The following OTUD7A variants were observed in gnomAD, a reference collection of about 807,000 sequenced individuals.
OTUD7A encodes the protein OTU deubiquitinase 7A.
In OTUD7A, 12 loss-of-function variants were observed where a neutral mutation model predicts 65.7. That is an observed-to-expected ratio of 0.18 (90% CI 0.12 to 0.30). The LOEUF (loss-of-function observed/expected upper bound fraction) is 0.30, where lower values mean the gene tolerates loss of function less well. OTUD7A is among the 10% of genes least tolerant of loss of function. The probability of loss-of-function intolerance (pLI) is 1.00; values close to 1 mark genes in which losing one functional copy is unlikely to be tolerated. For synonymous variants in OTUD7A, 641 were observed against 586.3 expected, an observed-to-expected ratio of 1.09 and a Z score of -1.35; for missense variants, 1,148 against 1,304.8, an observed-to-expected ratio of 0.88 and a Z score of 1.85.
intron 1 of OTUD7A, among the ~76,000 whole-genome samples, chr15:31,866,091 A>C (rs568918523): frequency 6.6e-6 from 1 of 152,390 alleles, no homozygotes; most frequent in South Asian, 2.1e-4. Flanking sequence ...GATGTATTTA[A>C]AACTTGTATT....
At chr15:31,585,585 T>C (rs560496137) in intron 3 of OTUD7A, among the ~76,000 whole-genome samples, 6 of 152,310 alleles carry the variant, frequency 3.9e-5, no homozygotes, top group Admixed American at 3.9e-4. Context: ...CTTTGAGTTA[T>C]GTGTTTCTAT....
rs184554527 is a variant in OTUD7A at position 31,769,685 on chromosome 15, T to C, written c.-100+100822A>G. On this transcript the variant is annotated intron_variant, in intron 1 of 12. Coordinates refer to ENST00000307050, the MANE Select transcript of OTUD7A (RefSeq NM_001382637.1). Reference sequence around the variant, plus strand: ...ACAAGGATAAATCTCAAATCTGCTATGCTGAGTGAAGGAAGCCAGTCCAAA... The same window carrying C: ...ACAAGGATAAATCTCAAATCTGCTACGCTGAGTGAAGGAAGCCAGTCCAAA... Among the ~76,000 whole-genome samples the C allele has an allele frequency of 3.6e-3, 552 of 152,354 alleles. 16 individuals are homozygous for C. The highest frequency in any genetic ancestry group is 0.03 in the Admixed American group (455 of 15,300).
At chr15:31,818,619 C>T (rs1275588513) in intron 1 of OTUD7A, among the ~76,000 whole-genome samples, 1 of 152,198 alleles carries the variant, frequency 6.6e-6, no homozygotes, top group Non-Finnish European at 1.5e-5. Context: ...ACCTCCCACA[C>T]TCCTATCTCC....
At chr15:31,686,946 T>C (rs1206352615) in intron 1 of OTUD7A, among the ~76,000 whole-genome samples, 1 of 152,230 alleles carries the variant, frequency 6.6e-6, no homozygotes, top group East Asian at 1.9e-4. Context: ...CCAACAGCAA[T>C]GTTTTTGAAG....
chr15:31,732,261 T>G (rs539373663), intron 1 of OTUD7A, among the ~76,000 whole-genome samples: 106 of 152,288 alleles, frequency 7.0e-4, no homozygotes, highest in Admixed American at 3.6e-3. Flanking sequence ...ATAAGAGAAG[T>G]TATTCCTGAC....
intron 1 of OTUD7A, among the ~76,000 whole-genome samples, chr15:31,729,882 AC>A (rs560875808): frequency 6.7e-4 from 101 of 151,210 alleles, no homozygotes; most frequent in Middle Eastern, 3.4e-3. Flanking sequence ...TTTGTCCTCC[AC>A]TCTTATTCCT....
At chr15:31,517,218 C>T (rs1432059894) in intron 8 of OTUD7A, among the ~76,000 whole-genome samples, 1 of 152,204 alleles carries the variant, frequency 6.6e-6, no homozygotes, top group Non-Finnish European at 1.5e-5. Flanking sequence ...TTCATTTCTC[C>T]TTATTGCAGG....
intron 3 of OTUD7A, among the ~76,000 whole-genome samples, chr15:31,574,716 T>G (rs746226981): frequency 9.9e-5 from 15 of 152,242 alleles, no homozygotes; most frequent in Non-Finnish European, 1.8e-4. Context: ...CTTTGTGACC[T>G]GGGAGAAGCT....
rs546923417 is a variant in OTUD7A, at chr15:31,867,904, G to A, written c.-100+2603C>T. ...CTTGGAAGACAGGCATGCGGGAGCG[G>A]AGGGGGAGGGGCGGGGGGCGGGGGC... On this transcript the variant is annotated intron_variant, in intron 1 of 12. Transcript: ENST00000307050. Among the ~76,000 whole-genome samples the A allele has an allele frequency of 6.6e-5, 10 of 151,354 alleles. No individual in the cohort carries two copies. The East Asian group carries it at 1.9e-3, about 29-fold the overall frequency.
intron 1 of OTUD7A, among the ~76,000 whole-genome samples, chr15:31,869,170 T>C (rs140431237): frequency 1.8e-4 from 27 of 152,310 alleles, no homozygotes; most frequent in African/African-American, 6.3e-4. Flanking sequence ...GGAGTGTTGA[T>C]CCCATTTAGT....
At chr15:31,808,318 G>A (rs1330348828) in intron 1 of OTUD7A, among the ~76,000 whole-genome samples, 1 of 152,214 alleles carries the variant, frequency 6.6e-6, no homozygotes, top group Non-Finnish European at 1.5e-5. Flanking sequence ...GGAGCGCTGG[G>A]CTTCTTGAAA....
intron 1 of OTUD7A, among the ~76,000 whole-genome samples, chr15:31,720,143 G>C (rs1008893279): frequency 2.0e-5 from 3 of 151,156 alleles, no homozygotes; most frequent in Admixed American, 2.0e-4. Flanking sequence ...CCAAAGCAGA[G>C]AAAGAATCGT....
chr15:31,523,295 G>C (rs1470103419), intron 8 of OTUD7A, among the ~76,000 whole-genome samples: 1 of 152,228 alleles, frequency 6.6e-6, no homozygotes, highest in Admixed American at 6.5e-5. Context: ...AGGGAGGAGG[G>C]GCAGGAGGGT....
At chr15:31,532,600 C>A (rs1447476042) in intron 5 of OTUD7A, among the ~76,000 whole-genome samples, 1 of 151,666 alleles carries the variant, frequency 6.6e-6, no homozygotes, top group African/African-American at 2.4e-5. Context: ...AGTCTGGAGT[C>A]CGTAGAAGAG....
At chr15:31,611,423 C>T (rs993904473) in intron 3 of OTUD7A, among the ~76,000 whole-genome samples, 6 of 151,932 alleles carry the variant, frequency 3.9e-5, no homozygotes, top group African/African-American at 1.5e-4. Flanking sequence ...TAAGATTAAC[C>T]AAGAAAAGAA....
chr15:31,781,846 T>C (rs1895548257), intron 1 of OTUD7A, among the ~76,000 whole-genome samples: 1 of 152,236 alleles, frequency 6.6e-6, no homozygotes, highest in Admixed American at 6.5e-5. Flanking sequence ...TATACATCTG[T>C]ATCCTATCTT....
chr15:31,598,705 C>T (rs1889982719), intron 3 of OTUD7A, among the ~76,000 whole-genome samples: 1 of 152,204 alleles, frequency 6.6e-6, no homozygotes, highest in Non-Finnish European at 1.5e-5. Flanking sequence ...GCCAAGTGGT[C>T]TGGCTCAGTG....
intron 1 of OTUD7A, among the ~76,000 whole-genome samples, chr15:31,738,754 A>G (rs1894260313): frequency 6.6e-6 from 1 of 152,256 alleles, no homozygotes. Context: ...TTCTTGGGAT[A>G]GTACGCAAAG....
At chr15:31,606,263 C>A (rs1890236975) in intron 3 of OTUD7A, among the ~76,000 whole-genome samples, 1 of 152,200 alleles carries the variant, frequency 6.6e-6, no homozygotes, top group Non-Finnish European at 1.5e-5. Flanking sequence ...GTGCAAAGCT[C>A]TGGCAGGTAT....
Sources: gnomAD v4.1 joint callset for allele counts (sites outside exome capture counted in the v4.1 genomes callset) on GRCh38, gnomAD v4.1.1 for gene constraint, MANE v1.5 for transcripts, NCBI Gene and HGNC (gene_info 2026-07-23, HGNC 2026-07-21) for gene names.